AIG1: variants seen among roughly 807,000 people sequenced by gnomAD.
The protein encoded by AIG1 is androgen induced 1.
A neutral mutation model predicts 31.4 loss-of-function variants in AIG1; 23 were observed. That is an observed-to-expected ratio of 0.73 (90% CI 0.53 to 1.04). The LOEUF (loss-of-function observed/expected upper bound fraction) is 1.04. Ranked by LOEUF, AIG1 falls within the 50% of genes least tolerant of loss-of-function variation. The pLI is 0.00. For synonymous variants in AIG1, 100 were observed against 110.5 expected, an observed-to-expected ratio of 0.90 and a Z score of 0.60; for missense variants, 274 against 295.0, an observed-to-expected ratio of 0.93 and a Z score of 0.52.
intron 4 of AIG1, among the ~76,000 whole-genome samples, chr6:143,332,541 A>C (rs1303233770): frequency 6.6e-6 from 1 of 152,238 alleles, no homozygotes; most frequent in Non-Finnish European, 1.5e-5. Context: ...TCTGAAGATC[A>C]GAGGAGTGGG....
chr6:143,116,703 T>A (rs1173897643), intron 1 of AIG1, among the ~76,000 whole-genome samples: 1 of 148,812 alleles, frequency 6.7e-6, no homozygotes, highest in African/African-American at 2.5e-5. Flanking sequence ...GGGGTTTTAT[T>A]GGGGAACTTT....
chr6:143,143,824 T>G (rs1210397162), intron 2 of AIG1, among the ~76,000 whole-genome samples: 2 of 151,784 alleles, frequency 1.3e-5, no homozygotes, highest in East Asian at 3.9e-4. Context: ...AGAAGGAAGG[T>G]TTATAGATGA....
rs559479938 is a variant in AIG1, at chr6:143,262,663, T to C, written c.400-21447T>C. 8.7e-4 allele frequency among the ~76,000 whole-genome samples: 132 copies of C among 151,876 alleles called. 1 individual carries two copies. Among genetic ancestry groups the C allele is most frequent in the African/African-American group, 3.2e-3 (131 of 41,374 alleles). On this transcript the variant is annotated intron_variant, in intron 3 of 5. Transcript: ENST00000357847. Reference sequence around the variant, plus strand: ...CAGAAAAAGGTAGAAGGAGGCAATATGCATCAAAACAGAACTAAAAATTGA... The same window carrying C: ...CAGAAAAAGGTAGAAGGAGGCAATACGCATCAAAACAGAACTAAAAATTGA...
At chr6:143,086,140 T>C (rs1778758686) in intron 1 of AIG1, among the ~76,000 whole-genome samples, 2 of 152,184 alleles carry the variant, frequency 1.3e-5, no homozygotes, top group Admixed American at 1.3e-4. Flanking sequence ...ATTTGGGCCA[T>C]CCATGGCTGA....
chr6:143,208,736 G>A (rs868119692), intron 3 of AIG1, among the ~76,000 whole-genome samples: 1 of 152,002 alleles, frequency 6.6e-6, no homozygotes, highest in Middle Eastern at 3.4e-3. Flanking sequence ...TCCATCAAAA[G>A]CCTTTCTAAA....
chr6:143,244,386 C>G (rs1583608541), intron 3 of AIG1, among the ~76,000 whole-genome samples: 1 of 152,264 alleles, frequency 6.6e-6, no homozygotes, highest in East Asian at 1.9e-4. Flanking sequence ...ACCTTGACCT[C>G]TTTGATTGCT....
At position 143,271,390 on chromosome 6, in the gene AIG1, G is replaced by A. The variant is rs555299782; in HGVS notation, c.400-12720G>A. Among the ~76,000 whole-genome samples, 10 of 152,220 alleles carry A rather than the reference G, an allele frequency of 6.6e-5. No homozygotes were observed. The South Asian group carries it at 1.2e-3, about 19-fold the overall frequency. On this transcript the variant is annotated intron_variant, in intron 3 of 5. Transcript: ENST00000357847. ...TTTTTGCATGAAGCAGGATTATAAC[G>A]GGTTCTCATAAGTCAAATTTGACAT...
intron 3 of AIG1, among the ~76,000 whole-genome samples, chr6:143,273,776 TG>T (rs1796704764): frequency 6.6e-6 from 1 of 152,198 alleles, no homozygotes; most frequent in East Asian, 1.9e-4. Flanking sequence ...GAGAACAGTA[TG>T]GGGGAAACTG....
rs1798039355 is a variant in AIG1, at chr6:143,291,204, T to G, written c.515+6979T>G. On this transcript the variant is annotated intron_variant, in intron 4 of 5. Coordinates refer to ENST00000357847, the MANE Select transcript of AIG1 (RefSeq NM_016108.4). The surrounding 1 kb of genome is among the most constrained non-coding windows in gnomAD (Gnocchi z 4.2). Reference sequence around the variant, plus strand: ...GGGGGAGCTGTAAAGCCGCCTGTGATCCCATCATTGTACATGTCAAAGTTT... The same window carrying G: ...GGGGGAGCTGTAAAGCCGCCTGTGAGCCCATCATTGTACATGTCAAAGTTT... 6.6e-6 allele frequency among the ~76,000 whole-genome samples: 1 copy of G among 152,148 alleles called. No individual in the cohort carries two copies. Among genetic ancestry groups the G allele is most frequent in the African/African-American group, 2.4e-5 (1 of 41,438 alleles).
rs756242874 is a variant in AIG1, at chr6:143,299,215, G to T, written c.515+14990G>T. On this transcript the variant is annotated intron_variant, in intron 4 of 5. Coordinates refer to ENST00000357847, the MANE Select transcript of AIG1 (RefSeq NM_016108.4). The surrounding 1 kb of genome is among the most constrained non-coding windows in gnomAD (Gnocchi z 4.1). ...TAGCTCCTGTTTGACATCCAGGACA[G>T]AGCAGTACCACTTCTCCTTAGCATC... The T allele has an allele frequency of 2.0e-5, 3 of 152,176 alleles. No individual in the cohort carries two copies. The highest frequency in any genetic ancestry group is 4.4e-5 in the Non-Finnish European group (3 of 68,042). The allele number at this position is 152,176 out of a possible 1,614,324, so 9.4% of individuals were successfully genotyped here.
intron 3 of AIG1, among the ~76,000 whole-genome samples, chr6:143,207,424 T>C (rs1036329095): frequency 2.6e-5 from 4 of 152,164 alleles, no homozygotes; most frequent in African/African-American, 4.8e-5. Flanking sequence ...GCTAAGACTT[T>C]GTAAGAAACT....
chr6:143,071,761 T>C (rs1412891471), intron 1 of AIG1, among the ~76,000 whole-genome samples: 2 of 151,548 alleles, frequency 1.3e-5, no homozygotes, highest in Non-Finnish European at 2.9e-5. Context: ...CTTCTTCTCT[T>C]CTTTTTTTTT....
chr6:143,108,553 T>TA (rs1359360072), intron 1 of AIG1, among the ~76,000 whole-genome samples: 2 of 152,194 alleles, frequency 1.3e-5, no homozygotes, highest in Admixed American at 6.5e-5. Context: ...TCAGCTGGGA[T>TA]GGGGCCCAGA....
Position 143,107,045 on chromosome 6 carries a change from A to C in AIG1, c.142-29790A>C, listed in dbSNP as rs139167918. ...CAACATATGAAAGTTAGAGAGACAC[A>C]CACATTCAAACCATAGCACCTTGAT... On this transcript the variant is annotated intron_variant, in intron 1 of 5. Coordinates refer to ENST00000357847, the MANE Select transcript of AIG1 (RefSeq NM_016108.4). Among the ~76,000 whole-genome samples, 955 of 152,330 alleles carry C rather than the reference A, an allele frequency of 6.3e-3. 7 individuals carry two copies. The highest frequency in any genetic ancestry group is 0.022 in the African/African-American group (932 of 41,570).
At position 143,110,759 on chromosome 6, in the gene AIG1, A is replaced by G. The variant is rs534462999; in HGVS notation, c.142-26076A>G. On this transcript the variant is annotated intron_variant, in intron 1 of 5. Transcript: ENST00000357847. ...GTCTTGTCCAGATGGAATCTTTGGA[A>G]TATCCTTAAAGGCAGCAGATGTGTG... 4.2e-4 allele frequency among the ~76,000 whole-genome samples: 64 copies of G among 152,314 alleles called. No homozygotes were observed. In the South Asian group the frequency reaches 0.013, roughly 30 times the overall value.
At chr6:143,125,634 G>A (rs1448150472) in intron 1 of AIG1, among the ~76,000 whole-genome samples, 2 of 152,142 alleles carry the variant, frequency 1.3e-5, no homozygotes, top group African/African-American at 4.8e-5. Flanking sequence ...GGAGTCTCTG[G>A]GGAGGTCCCT....
chr6:143,132,648 G>A (rs1783351400), intron 1 of AIG1, among the ~76,000 whole-genome samples: 1 of 145,516 alleles, frequency 6.9e-6, no homozygotes, highest in African/African-American at 2.5e-5. Flanking sequence ...TATTTCTTCA[G>A]TTTTTTTTTT....
chr6:143,232,384 G>A (rs1170344287), intron 3 of AIG1, among the ~76,000 whole-genome samples: 1 of 152,180 alleles, frequency 6.6e-6, no homozygotes, highest in Admixed American at 6.5e-5. Context: ...AGCAGCCCAT[G>A]AAGTGCGGTT....
chr6:143,104,443 T>G (rs1780612411), intron 1 of AIG1, among the ~76,000 whole-genome samples: 1 of 152,250 alleles, frequency 6.6e-6, no homozygotes, highest in Admixed American at 6.5e-5. Context: ...AGATGCCATC[T>G]GTGCAGAAAT....
Sources: gnomAD v4.1 joint callset for allele counts (sites outside exome capture counted in the v4.1 genomes callset) on GRCh38, gnomAD v4.1.1 for gene constraint, Gnocchi (gnomAD v3.1) non-coding constraint, MANE v1.5 for transcripts, NCBI Gene and HGNC (gene_info 2026-07-23, HGNC 2026-07-21) for gene names.